PRKCQ: variants seen among roughly 807,000 people sequenced by gnomAD.
The protein encoded by PRKCQ is protein kinase C theta.
Under a neutral mutation model 91.2 loss-of-function variants are expected in PRKCQ, and 41 were observed. The observed-to-expected ratio is 0.45, with a 90% CI of 0.35 to 0.58. The LOEUF (loss-of-function observed/expected upper bound fraction) is 0.58, where lower values mean the gene tolerates loss of function less well. Ranked by LOEUF, PRKCQ falls within the 20% of genes least tolerant of loss-of-function variation. The pLI is 0.00. For synonymous variants in PRKCQ, 307 were observed against 316.9 expected (o/e 0.97, Z 0.33); for missense variants, 673 against 896.5 (o/e 0.75, Z 3.18).
At chr10:6,410,709 G>A in the PRKCQ span, among the ~76,000 whole-genome samples, 1 of 152,212 alleles carries the variant, frequency 6.6e-6, no homozygotes, top group African/African-American at 2.4e-5. Context: ...CTGGCAGGGT[G>A]CAGTGGTTCA....
At chr10:6,466,360 G>C (rs987417436) in intron 12 of PRKCQ, among the ~76,000 whole-genome samples, 2 of 152,294 alleles carry the variant, frequency 1.3e-5, no homozygotes, top group East Asian at 1.9e-4. Context: ...GCATTGGGGG[G>C]GTTGAATTGG....
chr10:6,478,026 A>G (rs1271879739), intron 12 of PRKCQ, among the ~76,000 whole-genome samples: 1 of 152,250 alleles, frequency 6.6e-6, no homozygotes, highest in Non-Finnish European at 1.5e-5. Context: ...GAGAGGAGAC[A>G]AACCAGTAAG....
intron 7 of PRKCQ, among the ~76,000 whole-genome samples, chr10:6,495,811 G>A (rs916046781): frequency 4.6e-5 from 7 of 152,252 alleles, no homozygotes; most frequent in African/African-American, 1.7e-4. Context: ...ATGGCAGGAT[G>A]GGAGGGAGGG....
intron 4 of PRKCQ, among the ~76,000 whole-genome samples, chr10:6,502,168 G>A (rs1174220860): frequency 3.9e-5 from 6 of 152,202 alleles, no homozygotes; most frequent in African/African-American, 1.4e-4. Flanking sequence ...AAAGAAAATC[G>A]ATGTGTCAGA....
In PRKCQ at chr10:6,568,500, CT is replaced by C. The variant is rs201701542; in HGVS notation, c.-10+11710del. Among the ~76,000 whole-genome samples the C allele has an allele frequency of 8.0e-3, 1,117 of 138,980 alleles. 6 individuals are homozygous for C. The highest frequency in any genetic ancestry group is 0.023 in the African/African-American group (856 of 37,256). 91.2% of individuals were successfully genotyped at this position (138,980 alleles called of 152,430 possible). On this transcript the variant is annotated intron_variant, in intron 1 of 17. Coordinates refer to ENST00000263125, the MANE Select transcript of PRKCQ (RefSeq NM_006257.5). ...ATTTCCTGATCACTCTTAGCTTAAC[CT>C]TTTTTTTTTTTTTTGAGATGGAGCC... is the stretch of plus-strand genomic sequence containing the variant.
chr10:6,491,575 G>A (rs1434091928), intron 8 of PRKCQ, 108 bp downstream of exon 8: 2 of 1,423,744 alleles, frequency 1.4e-6, no homozygotes, highest in African/African-American at 1.4e-5. Context: ...TGTCTGGGCT[G>A]GGTGTGGAAG....
At chr10:6,484,016 G>A (rs1836765942) in intron 10 of PRKCQ, among the ~76,000 whole-genome samples, 1 of 152,196 alleles carries the variant, frequency 6.6e-6, no homozygotes, top group Non-Finnish European at 1.5e-5. Flanking sequence ...AAACACAGTG[G>A]CATCAATTTC....
intron 1 of PRKCQ, among the ~76,000 whole-genome samples, chr10:6,572,817 C>T (rs1441551174): frequency 6.6e-6 from 1 of 152,116 alleles, no homozygotes; most frequent in African/African-American, 2.4e-5. Context: ...CACCATCTTC[C>T]ACAATGGTTG....
At chr10:6,467,609 G>A (rs1835760243) in intron 12 of PRKCQ, among the ~76,000 whole-genome samples, 1 of 152,160 alleles carries the variant, frequency 6.6e-6, no homozygotes, top group Non-Finnish European at 1.5e-5. Flanking sequence ...CATGCCAAAC[G>A]CGTCCCAGTC....
chr10:6,496,993 G>T, intron 7 of PRKCQ, 42 bp downstream of exon 7: 1 of 1,556,534 alleles, frequency 6.4e-7, no homozygotes, highest in Non-Finnish European at 8.8e-7. Flanking sequence ...TTAACGTTCT[G>T]ATAAAAATCA....
chr10:6,444,231 C>G (rs1290243083), intron 15 of PRKCQ, among the ~76,000 whole-genome samples: 1 of 152,044 alleles, frequency 6.6e-6, no homozygotes, highest in East Asian at 1.9e-4. Flanking sequence ...CCACCATGCC[C>G]AGATAATTTT....
At chr10:6,542,176 A>C (rs1282110720) in intron 1 of PRKCQ, among the ~76,000 whole-genome samples, 1 of 152,194 alleles carries the variant, frequency 6.6e-6, no homozygotes, top group Non-Finnish European at 1.5e-5. Context: ...GAAACTGCTT[A>C]CCCTCTGTGG....
intron 1 of PRKCQ, among the ~76,000 whole-genome samples, chr10:6,543,375 GAAAACA>G (rs1015803603): frequency 4.6e-5 from 7 of 152,252 alleles, no homozygotes; most frequent in African/African-American, 1.4e-4. Context: ...CCAGACAGAG[GAAAACA>G]AAAACAAAAA....
intron 14 of PRKCQ, among the ~76,000 whole-genome samples, chr10:6,459,624 A>T (rs1471546542): frequency 6.6e-6 from 1 of 152,240 alleles, no homozygotes; most frequent in Non-Finnish European, 1.5e-5. Context: ...ATCCTTGATT[A>T]TCGAGGTGGG....
At chr10:6,423,780 G>A (rs1283422212), downstream of PRKCQ, among the ~76,000 whole-genome samples, 1 of 152,134 alleles carries the variant, frequency 6.6e-6, no homozygotes, top group Non-Finnish European at 1.5e-5. Flanking sequence ...TGGCCATCTG[G>A]TTTTTGCCTC....
At chr10:6,490,195 G>A (rs536891270) in intron 8 of PRKCQ, among the ~76,000 whole-genome samples, 25 of 152,166 alleles carry the variant, frequency 1.6e-4, no homozygotes, top group Non-Finnish European at 2.9e-4. Context: ...TCTGCTTTAG[G>A]TAATGATTTG....
At chr10:6,504,750 C>T (rs1193423231) in intron 4 of PRKCQ, among the ~76,000 whole-genome samples, 1 of 152,112 alleles carries the variant, frequency 6.6e-6, no homozygotes, top group Non-Finnish European at 1.5e-5. Flanking sequence ...GAATGCTCTC[C>T]TCCTTGTCAT....
chr10:6,572,477 A>G (rs947738126), intron 1 of PRKCQ, among the ~76,000 whole-genome samples: 1 of 152,210 alleles, frequency 6.6e-6, no homozygotes, highest in Non-Finnish European at 1.5e-5. Context: ...AAGTGAGAAC[A>G]TAAGGTGTCC....
chr10:6,480,813 G>A (rs185744584), intron 11 of PRKCQ, among the ~76,000 whole-genome samples: 195 of 152,326 alleles, frequency 1.3e-3, no homozygotes, highest in African/African-American at 3.6e-3. Flanking sequence ...GTTTAAAAGC[G>A]ACGGAGCAGG....
Sources: gnomAD v4.1 joint callset for allele counts (sites outside exome capture counted in the v4.1 genomes callset) on GRCh38, gnomAD v4.1.1 for gene constraint, MANE v1.5 for transcripts, NCBI Gene and HGNC (gene_info 2026-07-23, HGNC 2026-07-21) for gene names.